Variants in SLC13A3 observed in about 807,000 individuals in gnomAD.
SLC13A3 encodes the protein solute carrier family 13 member 3.
A neutral mutation model predicts 59.0 loss-of-function variants in SLC13A3; 40 were observed. The ratio of observed to expected loss-of-function variants is 0.68; its 90% CI spans 0.53 to 0.88. The LOEUF (loss-of-function observed/expected upper bound fraction) is 0.88. Ranked by LOEUF, SLC13A3 falls within the 40% of genes least tolerant of loss-of-function variation. The probability of loss-of-function intolerance (pLI) is 0.00; values close to 1 mark genes in which losing one functional copy is unlikely to be tolerated. For synonymous variants in SLC13A3, 317 were observed against 330.3 expected (o/e 0.96, Z 0.44); for missense variants, 699 against 783.2 (o/e 0.89, Z 1.28).
At chr20:46,633,296 C>T (rs959315706) in intron 1 of SLC13A3, among the ~76,000 whole-genome samples, 2 of 152,172 alleles carry the variant, frequency 1.3e-5, no homozygotes, top group Non-Finnish European at 2.9e-5. Context: ...TGGCATGAGA[C>T]CTCCACTTGG....
At chr20:46,577,278 CAGCCCACAGGTGTATGT>C (rs1255110083) in intron 9 of SLC13A3, among the ~76,000 whole-genome samples, 1 of 138,488 alleles carries the variant, frequency 7.2e-6, no homozygotes, top group African/African-American at 2.6e-5. Flanking sequence ...CAAGTGTATG[CAGCCCACAGGTGTATGT>C]AGCCCACAGG....
intron 1 of SLC13A3, among the ~76,000 whole-genome samples, chr20:46,659,715 C>CCT (rs1001196913): frequency 1.4e-5 from 2 of 144,996 alleles, no homozygotes; most frequent in African/African-American, 5.4e-5. Flanking sequence ...GACCCTATCC[C>CCT]CCCCCCCCAA....
At chr20:46,627,525 T>G (rs73622682) in intron 1 of SLC13A3, among the ~76,000 whole-genome samples, 7,464 of 152,190 alleles carry the variant, frequency 0.049, 675 homozygotes, top group East Asian at 0.44. Context: ...GGTCCCGTGA[T>G]GCCAGCTCTC....
chr20:46,626,541 C>A (rs2062674697), intron 1 of SLC13A3, among the ~76,000 whole-genome samples: 1 of 152,104 alleles, frequency 6.6e-6, no homozygotes, highest in South Asian at 2.1e-4. Context: ...TATTACCTTG[C>A]TGGAGAGGGA....
At chr20:46,588,437 A>G (rs2062216625) in intron 7 of SLC13A3, among the ~76,000 whole-genome samples, 1 of 152,174 alleles carries the variant, frequency 6.6e-6, no homozygotes, top group Non-Finnish European at 1.5e-5. Flanking sequence ...CATTATCACC[A>G]GGAGTTTACC....
At chr20:46,607,349 C>T (rs2122730721) in intron 3 of SLC13A3, among the ~76,000 whole-genome samples, 1 of 152,266 alleles carries the variant, frequency 6.6e-6, no homozygotes, top group Non-Finnish European at 1.5e-5. Context: ...TTGTGCCTCT[C>T]CTAGCCCACT....
At chr20:46,581,376 C>T (rs978483515) in intron 9 of SLC13A3, among the ~76,000 whole-genome samples, 4 of 152,156 alleles carry the variant, frequency 2.6e-5, no homozygotes, top group Non-Finnish European at 4.4e-5. Context: ...GAGATCTGCC[C>T]AAGAAGAACA....
intron 10 of SLC13A3, among the ~76,000 whole-genome samples, chr20:46,571,964 A>AT (rs1436513188): frequency 6.6e-6 from 1 of 152,096 alleles, no homozygotes; most frequent in African/African-American, 2.4e-5. Context: ...GTAGGTGCCA[A>AT]TGTTGAGACC....
intron 5 of SLC13A3, among the ~76,000 whole-genome samples, chr20:46,594,805 C>T (rs777615031): frequency 7.3e-5 from 11 of 151,356 alleles, no homozygotes; most frequent in Admixed American, 4.6e-4. Flanking sequence ...ATCTTAAAAT[C>T]AAAGCATTTT....
At chr20:46,578,902 GTCGTCA>G (rs2062105781) in intron 9 of SLC13A3, among the ~76,000 whole-genome samples, 1 of 149,146 alleles carries the variant, frequency 6.7e-6, no homozygotes, top group African/African-American at 2.5e-5. Context: ...AGTCGTCGTC[GTCGTCA>G]TCATCATCAT....
intron 1 of SLC13A3, among the ~76,000 whole-genome samples, chr20:46,620,093 C>T (rs908441166): frequency 5.9e-5 from 9 of 152,114 alleles, no homozygotes; most frequent in Admixed American, 1.3e-4. Flanking sequence ...TTCATCCTTG[C>T]TATTGCAAAA....
intron 3 of SLC13A3, among the ~76,000 whole-genome samples, chr20:46,600,347 A>AGG (rs753286749): frequency 6.8e-6 from 1 of 147,848 alleles, no homozygotes; most frequent in South Asian, 2.2e-4. Flanking sequence ...AAGGAAAGGA[A>AGG]AAGAAAGGAA....
rs1437225691 is a variant in SLC13A3 at position 46,648,916 on chromosome 20, CACACACACACACACACACACACACA to C, written c.111+2370_111+2394del. 4.4e-3 allele frequency among the ~76,000 whole-genome samples: 499 copies of C among 112,434 alleles called. 1 individual carries two copies. Among genetic ancestry groups the C allele is most frequent in the African/African-American group, 0.023 (482 of 20,812 alleles). 73.8% of individuals were successfully genotyped at this position (112,434 alleles called of 152,430 possible). ...CAAGACCCTATCTCTCTCTCTCTCT[CACACACACACACACACACACACACA>C]TACACACACACACACACACACACAC... On this transcript the variant is annotated intron_variant, in intron 1 of 12. Coordinates refer to ENST00000279027, the MANE Select transcript of SLC13A3 (RefSeq NM_022829.6).
At position 46,613,530 on chromosome 20, in the gene SLC13A3, T is replaced by C; in HGVS notation, c.307A>G (p.Ile103Val). Reference sequence around the variant, plus strand: ...CGCCGGTGCAGGTTCCACTCCTCAATGGCGCTGGCCATGATCAGCCCACTG... The same window carrying C: ...CGCCGGTGCAGGTTCCACTCCTCAACGGCGCTGGCCATGATCAGCCCACTG... ...FLSGLIMASA[I>V]EEWNLHRRIA... The change falls in exon 2 of 13, where the codon ATT (isoleucine) becomes GTT (valine). Residue 103 changes from isoleucine (I) to valine (V), a missense_variant. Physicochemically the swap from Ile to Val is conservative, Grantham distance 29. Coordinates refer to ENST00000279027, the MANE Select transcript of SLC13A3 (RefSeq NM_022829.6). 1.9e-6 allele frequency: 3 copies of C among 1,613,818 alleles called. No homozygotes were observed. The highest frequency in any genetic ancestry group is 1.6e-4 in the Middle Eastern group (1 of 6,062).
intron 4 of SLC13A3, among the ~76,000 whole-genome samples, chr20:46,598,485 T>A (rs2062338060): frequency 6.6e-6 from 1 of 152,202 alleles, no homozygotes; most frequent in African/African-American, 2.4e-5. Flanking sequence ...ATCCAACAGA[T>A]GTAGGCTTCT....
chr20:46,614,429 C>T (rs556671728), intron 1 of SLC13A3, among the ~76,000 whole-genome samples: 16 of 152,298 alleles, frequency 1.1e-4, no homozygotes, highest in Non-Finnish European at 1.8e-4. Flanking sequence ...TGAGCATGCT[C>T]CTGCAGCCAG....
At chr20:46,597,362 G>GA (rs2062323956) in intron 4 of SLC13A3, among the ~76,000 whole-genome samples, 4 of 152,076 alleles carry the variant, frequency 2.6e-5, no homozygotes, top group African/African-American at 9.6e-5. Flanking sequence ...CTGAAATGAA[G>GA]AAAAAAATGT....
chr20:46,601,492 C>T (rs1271186399), intron 3 of SLC13A3, among the ~76,000 whole-genome samples: 1 of 152,196 alleles, frequency 6.6e-6, no homozygotes, highest in Non-Finnish European at 1.5e-5. Context: ...TATGGAGCAC[C>T]TGTCATGTAC....
At chr20:46,615,389 C>T (rs769207757) in intron 1 of SLC13A3, among the ~76,000 whole-genome samples, 8 of 152,104 alleles carry the variant, frequency 5.3e-5, no homozygotes, top group South Asian at 2.1e-4. Flanking sequence ...TATCAGGTTA[C>T]GTGGGGGATG....
Sources: gnomAD v4.1 joint callset for allele counts (sites outside exome capture counted in the v4.1 genomes callset) on GRCh38, gnomAD v4.1.1 for gene constraint, MANE v1.5 for transcripts, NCBI Gene and HGNC (gene_info 2026-07-23, HGNC 2026-07-21) for gene names.